The following SUGCT variants were observed in gnomAD, a reference collection of about 807,000 sequenced individuals.
SUGCT encodes succinyl-CoA:glutarate-CoA transferase.
In SUGCT, 41 loss-of-function variants were observed where a neutral mutation model predicts 55.0. That is an observed-to-expected ratio of 0.74 (90% CI 0.58 to 0.97). SUGCT has a LOEUF of 0.97. Among genes scored for constraint, SUGCT ranks in the 50% least tolerant of loss-of-function variants. The probability of loss-of-function intolerance (pLI) is 0.00; values close to 1 mark genes in which losing one functional copy is unlikely to be tolerated. For missense variants in SUGCT, 568 were observed against 547.8 expected (o/e 1.04, Z -0.37); for synonymous variants, 187 against 200.4 (o/e 0.93, Z 0.56).
intron 9 of SUGCT, among the ~76,000 whole-genome samples, chr7:40,439,061 G>GGTATGTGT (rs5883731): frequency 1.9e-5 from 1 of 51,870 alleles, no homozygotes; most frequent in East Asian, 1.1e-3. Context: ...GTATATATAT[G>GGTATGTGT]GTGTATATAT....
intron 12 of SUGCT, among the ~76,000 whole-genome samples, chr7:40,501,565 T>C (rs2151530563): frequency 6.6e-6 from 1 of 152,282 alleles, no homozygotes; most frequent in Admixed American, 6.5e-5. Context: ...ACAATGTCTT[T>C]AAGCTATAAC....
intron 12 of SUGCT, among the ~76,000 whole-genome samples, chr7:40,561,144 C>G (rs1307995033): frequency 6.6e-6 from 1 of 152,140 alleles, no homozygotes; most frequent in Non-Finnish European, 1.5e-5. Flanking sequence ...TGGGTAAGGC[C>G]TAATACAAGC....
chr7:40,611,040 G>T (rs1255137994), intron 12 of SUGCT, among the ~76,000 whole-genome samples: 4 of 152,166 alleles, frequency 2.6e-5, no homozygotes, highest in Non-Finnish European at 1.5e-5. Context: ...CCCTGAGTGT[G>T]CTTGGTTCTG....
intron 12 of SUGCT, among the ~76,000 whole-genome samples, chr7:40,731,963 T>C (rs1786908925): frequency 6.6e-6 from 1 of 152,176 alleles, no homozygotes; most frequent in Non-Finnish European, 1.5e-5. Context: ...TAGGGGTACA[T>C]GAATTAAACA....
intron 13 of SUGCT, among the ~76,000 whole-genome samples, chr7:40,839,285 C>A (rs1793155250): frequency 1.3e-5 from 2 of 152,108 alleles, no homozygotes; most frequent in Admixed American, 1.3e-4. Context: ...CTCTGTTGCT[C>A]AGGCTGGAGT....
chr7:40,746,243 T>A (rs1267060692), intron 12 of SUGCT, among the ~76,000 whole-genome samples: 1 of 152,102 alleles, frequency 6.6e-6, no homozygotes, highest in Non-Finnish European at 1.5e-5. Context: ...CAGAGCAGGA[T>A]TCGCCCCACA....
intron 12 of SUGCT, among the ~76,000 whole-genome samples, chr7:40,582,643 A>G (rs914974132): frequency 3.9e-5 from 6 of 152,102 alleles, no homozygotes; most frequent in African/African-American, 1.2e-4. Context: ...TGTTAATTGC[A>G]GCTTCAAACA....
At chr7:40,816,252 C>T (rs933941100) in intron 13 of SUGCT, among the ~76,000 whole-genome samples, 13 of 152,224 alleles carry the variant, frequency 8.5e-5, no homozygotes, top group Admixed American at 7.2e-4. Flanking sequence ...AGTCATGCTG[C>T]TAGGTCAGCA....
intron 9 of SUGCT, among the ~76,000 whole-genome samples, chr7:40,434,253 A>C (rs1284766315): frequency 6.6e-6 from 1 of 152,212 alleles, no homozygotes; most frequent in Middle Eastern, 3.2e-3. Flanking sequence ...TGAGTAACTA[A>C]TGATTGAAAG....
rs1041783639 is a variant in SUGCT, at chr7:40,788,001, G to C, written c.1153+38504G>C. ...GTTAGAGACCAGGGGGGAAAGCCTGGACTGTTATCTTCCAGCAGTAATAAG... is the reference window on the plus strand; with the variant it reads ...GTTAGAGACCAGGGGGGAAAGCCTGCACTGTTATCTTCCAGCAGTAATAAG... On this transcript the variant is annotated intron_variant, in intron 13 of 13. Transcript: ENST00000335693. 2.0e-5 allele frequency among the ~76,000 whole-genome samples: 3 copies of C among 152,234 alleles called. No individual in the cohort carries two copies. The East Asian group carries it at 5.8e-4, about 29-fold the overall frequency.
At chr7:40,653,177 G>A (rs528772073) in intron 12 of SUGCT, among the ~76,000 whole-genome samples, 1 of 152,258 alleles carries the variant, frequency 6.6e-6, no homozygotes, top group Non-Finnish European at 1.5e-5. Context: ...CTGGGCAAAG[G>A]AAGTTTCTAG....
the SUGCT span, among the ~76,000 whole-genome samples, chr7:40,953,549 T>C: frequency 8.5e-5 from 13 of 152,330 alleles, no homozygotes; most frequent in East Asian, 2.1e-3. Context: ...AATTTTCAGT[T>C]TTTCTGCTCT....
At chr7:40,688,765 T>TA (rs1378310774) in intron 12 of SUGCT, among the ~76,000 whole-genome samples, 3 of 152,158 alleles carry the variant, frequency 2.0e-5, no homozygotes, top group African/African-American at 7.2e-5. Context: ...GTACTGAAAT[T>TA]ATATTCTTTT....
chr7:40,373,206 A>G (rs2151258847), intron 9 of SUGCT, among the ~76,000 whole-genome samples: 1 of 151,426 alleles, frequency 6.6e-6, no homozygotes, highest in Non-Finnish European at 1.5e-5. Flanking sequence ...TTTTACTTTG[A>G]AGAAGTTAAG....
At chr7:40,677,918 G>A (rs576291601) in intron 12 of SUGCT, among the ~76,000 whole-genome samples, 3 of 152,246 alleles carry the variant, frequency 2.0e-5, no homozygotes, top group African/African-American at 7.2e-5. Flanking sequence ...CTCATCTGAA[G>A]GTTTGGACTG....
intron 12 of SUGCT, among the ~76,000 whole-genome samples, chr7:40,732,449 T>C (rs62449364): frequency 6.6e-6 from 1 of 152,274 alleles, no homozygotes; most frequent in Admixed American, 6.5e-5. Context: ...TTGAGATCTT[T>C]GGATGACCAT....
Position 40,209,471 on chromosome 7 carries a change from G to A in SUGCT, c.484+14411G>A, listed in dbSNP as rs867623317. On this transcript the variant is annotated intron_variant, in intron 6 of 13. Transcript: ENST00000335693. ...AGATCTCGTCATTGCACTCCAGCCTGGGCTGCAGAGCAAGACTACGTCTCA... is the reference window on the plus strand; with the variant it reads ...AGATCTCGTCATTGCACTCCAGCCTAGGCTGCAGAGCAAGACTACGTCTCA... 1.2e-4 allele frequency among the ~76,000 whole-genome samples: 18 copies of A among 151,714 alleles called. 1 individual carries two copies. The South Asian group carries it at 2.5e-3, about 21-fold the overall frequency.
At chr7:40,572,801 C>T (rs1333726001) in intron 12 of SUGCT, among the ~76,000 whole-genome samples, 1 of 151,956 alleles carries the variant, frequency 6.6e-6, no homozygotes, top group East Asian at 1.9e-4. Flanking sequence ...GGGGTGTGTC[C>T]GATAAAAACT....
chr7:40,358,389 G>C (rs889784627), intron 9 of SUGCT, among the ~76,000 whole-genome samples: 5 of 152,076 alleles, frequency 3.3e-5, no homozygotes, highest in Non-Finnish European at 7.4e-5. Context: ...CTATTTCTAT[G>C]AGGCTCTTTA....
Sources: gnomAD v4.1 joint callset for allele counts (sites outside exome capture counted in the v4.1 genomes callset) on GRCh38, gnomAD v4.1.1 for gene constraint, MANE v1.5 for transcripts, NCBI Gene and HGNC (gene_info 2026-07-23, HGNC 2026-07-21) for gene names.